Variants in THSD7B observed in about 807,000 individuals in gnomAD.
THSD7B encodes thrombospondin type-1 domain-containing protein 7B.
In THSD7B, 138 loss-of-function variants were observed where a neutral mutation model predicts 213.6. The observed-to-expected ratio is 0.65, with a 90% confidence interval of 0.56 to 0.74. The LOEUF (loss-of-function observed/expected upper bound fraction) is 0.74. THSD7B is among the 30% of genes least tolerant of loss of function. The probability of loss-of-function intolerance (pLI) is 0.00; values close to 1 mark genes in which losing one functional copy is unlikely to be tolerated. For missense variants in THSD7B, 1,931 were observed against 1,991.5 expected, an observed-to-expected ratio of 0.97 and a Z score of 0.58; for synonymous variants, 742 against 687.0, an observed-to-expected ratio of 1.08 and a Z score of -1.25.
intron 15 of THSD7B, among the ~76,000 whole-genome samples, chr2:137,473,610 G>A (rs970378986): frequency 2.6e-5 from 4 of 152,078 alleles, no homozygotes; most frequent in Admixed American, 6.5e-5. Context: ...TTCAAAATTA[G>A]TCATGTTGAA....
intron 15 of THSD7B, among the ~76,000 whole-genome samples, chr2:137,485,838 A>G (rs1688428296): frequency 2.0e-5 from 3 of 152,166 alleles, no homozygotes; most frequent in Admixed American, 2.0e-4. Context: ...GGGGGCCAAT[A>G]TTCAACATTC....
intron 17 of THSD7B, among the ~76,000 whole-genome samples, chr2:137,609,637 T>C (rs1334899052): frequency 1.3e-5 from 2 of 152,190 alleles, no homozygotes; most frequent in South Asian, 2.1e-4. Context: ...CTGGACCCGA[T>C]TGTGTATAAC....
At chr2:137,571,461 G>A (rs1681353803) in intron 16 of THSD7B, among the ~76,000 whole-genome samples, 1 of 152,150 alleles carries the variant, frequency 6.6e-6, no homozygotes, top group Non-Finnish European at 1.5e-5. Flanking sequence ...TAAGTGGATT[G>A]TTGGGTTACA....
intron 1 of THSD7B, among the ~76,000 whole-genome samples, chr2:136,870,720 C>A (rs1252033006): frequency 6.6e-6 from 1 of 152,028 alleles, no homozygotes; most frequent in African/African-American, 2.4e-5. Context: ...AAGAAAGAGG[C>A]CAGTGTGTCT....
At chr2:137,442,229 T>C (rs1333410004) in intron 14 of THSD7B, among the ~76,000 whole-genome samples, 1 of 152,166 alleles carries the variant, frequency 6.6e-6, no homozygotes, top group Non-Finnish European at 1.5e-5. Flanking sequence ...CTCAACTTTC[T>C]GCAAAGTCAC....
At chr2:137,365,400 G>C (rs376586739) in intron 12 of THSD7B, among the ~76,000 whole-genome samples, 1 of 151,938 alleles carries the variant, frequency 6.6e-6, no homozygotes, top group Admixed American at 6.6e-5. Flanking sequence ...TGGGATCTAA[G>C]TAAACTAAAG....
intron 3 of THSD7B, among the ~76,000 whole-genome samples, chr2:137,066,981 A>G (rs1687394959): frequency 6.6e-6 from 1 of 152,076 alleles, no homozygotes; most frequent in Non-Finnish European, 1.5e-5. Flanking sequence ...TGATGAGCCT[A>G]TCAAAGGTAC....
intron 15 of THSD7B, among the ~76,000 whole-genome samples, chr2:137,463,127 C>T (rs1216345188): frequency 6.6e-6 from 1 of 152,058 alleles, no homozygotes; most frequent in Non-Finnish European, 1.5e-5. Flanking sequence ...CACATTCCTT[C>T]TACATTGGAT....
chr2:137,600,206 A>G lies in THSD7B; in HGVS notation c.3424-15969A>G, dbSNP rs141147555. On this transcript the variant is annotated intron_variant, in intron 17 of 27. Coordinates refer to ENST00000409968, the MANE Select transcript of THSD7B (RefSeq NM_001316349.2). ...GTCTGTTCCTACCACCATGAATTTC[A>G]TTAAAACTTATGGCATATCAGAAGC... 2.5e-3 allele frequency among the ~76,000 whole-genome samples: 384 copies of G among 152,340 alleles called. 2 individuals are homozygous for G. Among genetic ancestry groups the G allele is most frequent in the African/African-American group, 7.4e-3 (308 of 41,578 alleles).
chr2:137,076,556 G>T (rs985917561), intron 3 of THSD7B, among the ~76,000 whole-genome samples: 1 of 152,332 alleles, frequency 6.6e-6, no homozygotes, highest in East Asian at 1.9e-4. Context: ...GCGATGTCTC[G>T]CCCTGTTTCG....
At chr2:137,651,899 C>T (rs1573767066) in intron 21 of THSD7B, among the ~76,000 whole-genome samples, 1 of 151,820 alleles carries the variant, frequency 6.6e-6, no homozygotes, top group African/African-American at 2.4e-5. Context: ...ACAGCATTCC[C>T]TTGTGATCAG....
chr2:137,496,485 ATT>A (rs1558816315), intron 15 of THSD7B, among the ~76,000 whole-genome samples: 2 of 151,998 alleles, frequency 1.3e-5, no homozygotes, highest in African/African-American at 2.4e-5. Flanking sequence ...TTTTGTGTGC[ATT>A]TTTTTAGACT....
At chr2:136,966,241 A>G (rs1035431620) in intron 2 of THSD7B, among the ~76,000 whole-genome samples, 1 of 150,782 alleles carries the variant, frequency 6.6e-6, no homozygotes, top group African/African-American at 2.4e-5. Flanking sequence ...TTTTTGAGAC[A>G]GGGTTTCAGT....
intron 1 of THSD7B, among the ~76,000 whole-genome samples, chr2:136,868,599 T>TC (rs1413641723): frequency 1.3e-5 from 2 of 152,336 alleles, no homozygotes; most frequent in African/African-American, 2.4e-5. Context: ...GAATCTTACA[T>TC]CGCAGAAAAT....
intron 3 of THSD7B, among the ~76,000 whole-genome samples, chr2:137,062,468 A>G (rs1457764655): frequency 1.3e-5 from 2 of 151,670 alleles, no homozygotes; most frequent in African/African-American, 4.8e-5. Flanking sequence ...AGATGCATTC[A>G]ATTTCCTCAA....
At chr2:137,049,486 C>A (rs932891446) in intron 2 of THSD7B, among the ~76,000 whole-genome samples, 1 of 152,150 alleles carries the variant, frequency 6.6e-6, no homozygotes, top group African/African-American at 2.4e-5. Flanking sequence ...TTCAATAAGG[C>A]ACATATGGTA....
chr2:136,839,852 CTTAAG>C (rs1434294435), intron 1 of THSD7B, among the ~76,000 whole-genome samples: 1 of 152,018 alleles, frequency 6.6e-6, no homozygotes, highest in Non-Finnish European at 1.5e-5. Context: ...AAGGCATGTA[CTTAAG>C]TTGAGTCAAT....
chr2:137,100,053 G>T (rs1262777859), intron 4 of THSD7B, among the ~76,000 whole-genome samples: 1 of 152,046 alleles, frequency 6.6e-6, no homozygotes. Context: ...GACCAGCCTT[G>T]TTCTCCCTAA....
chr2:136,767,456 A>AGTGTGTGTGTGTGTGTGTGTGTGT (rs6146926), intron 1 of THSD7B, among the ~76,000 whole-genome samples: 48 of 146,698 alleles, frequency 3.3e-4, no homozygotes, highest in South Asian at 4.5e-4. Context: ...ATCCCTGGGA[A>AGTGTGTGTGTGTGTGTGTGTGTGT]GTGTGTGTGT....
Sources: gnomAD v4.1 joint callset for allele counts (sites outside exome capture counted in the v4.1 genomes callset) on GRCh38, gnomAD v4.1.1 for gene constraint, MANE v1.5 for transcripts, NCBI Gene and HGNC (gene_info 2026-07-23, HGNC 2026-07-21) for gene names.